The following NPY2R variants were observed in gnomAD, a reference collection of about 807,000 sequenced individuals.
The protein encoded by NPY2R is neuropeptide Y receptor Y2.
A neutral mutation model predicts 22.3 loss-of-function variants in NPY2R; 17 were observed. The ratio of observed to expected loss-of-function variants is 0.76; its 90% confidence interval spans 0.52 to 1.14. NPY2R has a LOEUF of 1.14. NPY2R is among the 50% of genes most tolerant of loss of function. NPY2R has a pLI of 0.00. For synonymous variants in NPY2R, 209 were observed against 183.4 expected (o/e 1.14, Z -1.13); for missense variants, 424 against 467.9 (o/e 0.91, Z 0.87).
chr4:155,210,833 G>A (rs929562621), intron 1 of NPY2R, among the ~76,000 whole-genome samples: 4 of 151,972 alleles, frequency 2.6e-5, no homozygotes, highest in African/African-American at 9.7e-5. Context: ...GAAAGATGCG[G>A]AAAGAGAAAA....
chr4:155,174,502 CTACTT>C, the NPY2R span, among the ~76,000 whole-genome samples: 5 of 102,258 alleles, frequency 4.9e-5, no homozygotes, highest in Non-Finnish European at 8.7e-5. Context: ...TTTTAAATCT[CTACTT>C]TAAAATCTGT....
At chr4:155,176,041 G>A in the NPY2R span, among the ~76,000 whole-genome samples, 1 of 152,042 alleles carries the variant, frequency 6.6e-6, no homozygotes, top group Non-Finnish European at 1.5e-5. Flanking sequence ...CCTACCTCAG[G>A]AAAACAAACT....
chr4:155,214,426 C>A lies in NPY2R; in HGVS notation c.487C>A (p.Arg163=). The change falls in exon 2 of 2, where the codon CGA becomes AGA. Residue 163 remains arginine, a synonymous_variant. Transcript: ENST00000329476. The part of the protein sequence containing the change: ...VYHLESKISK[R]ISFLIIGLAW... ...CCACCTAGAGAGCAAGATCTCCAAG[C>A]GAATCAGCTTCCTGATTATTGGCTT... 2 of 1,614,062 alleles carry A rather than the reference C, an allele frequency of 1.2e-6. No individual in the cohort carries two copies. The highest frequency in any genetic ancestry group is 8.5e-7 in the Non-Finnish European group (1 of 1,180,010).
chr4:155,212,579 C>T (rs1368989927), intron 1 of NPY2R, among the ~76,000 whole-genome samples: 2 of 152,020 alleles, frequency 1.3e-5, no homozygotes, highest in Middle Eastern at 3.2e-3. Flanking sequence ...GGTAAAGCCA[C>T]CCCTGGCATT....
chr4:155,186,411 A>C, the NPY2R span, among the ~76,000 whole-genome samples: 5 of 152,282 alleles, frequency 3.3e-5, no homozygotes, highest in Admixed American at 2.0e-4. Flanking sequence ...AAATCACATC[A>C]AGAAAAAGCC....
chr4:155,183,982 A>T, the NPY2R span, among the ~76,000 whole-genome samples: 121 of 152,212 alleles, frequency 7.9e-4, no homozygotes, highest in African/African-American at 2.8e-3. Context: ...CCCCTCTCTT[A>T]CCTACAAATG....
rs1174237228 is a variant in NPY2R at position 155,216,044 on chromosome 4, G to A, written c.*959G>A. 1 of 166,918 alleles carries A rather than the reference G, an allele frequency of 6.0e-6. No homozygotes were observed. The highest frequency in any genetic ancestry group is 2.4e-5 in the African/African-American group (1 of 41,406). The allele number at this position is 166,918 out of a possible 1,614,324, so 10.3% of individuals were successfully genotyped here. A position where few individuals can be genotyped will look rare whatever the true frequency, so the allele number is the denominator to read the frequency against. On this transcript the variant is annotated 3_prime_UTR_variant, in exon 2 of 2. Coordinates refer to ENST00000329476, the MANE Select transcript of NPY2R (RefSeq NM_000910.4). ...CAAGCTATTTTTGCACAGGTACATA[G>A]CTCTCATGTATTTAAAGAACACTGC...
At chr4:155,178,644 G>A in the NPY2R span, among the ~76,000 whole-genome samples, 3 of 152,114 alleles carry the variant, frequency 2.0e-5, no homozygotes, top group Non-Finnish European at 4.4e-5. Flanking sequence ...TACTATTTCA[G>A]TTGTTCATAT....
rs61741797 is a variant in NPY2R at position 155,214,593 on chromosome 4, C to T, written c.654C>T (p.Val218=). ...PGEEKSIYGT[V]YSLSSLLILY... ...AGGAGAAGAGCATCTATGGCACTGTCTATAGTCTTTCTTCCTTGTTGATCT... is the reference window on the plus strand; with the variant it reads ...AGGAGAAGAGCATCTATGGCACTGTTTATAGTCTTTCTTCCTTGTTGATCT... The change falls in exon 2 of 2, where the codon GTC becomes GTT. Residue 218 remains valine, a synonymous_variant. Transcript: ENST00000329476. The T allele has an allele frequency of 6.2e-7, 1 of 1,614,060 alleles. No homozygotes were observed. The highest frequency in any genetic ancestry group is 8.5e-7 in the Non-Finnish European group (1 of 1,180,016).
the NPY2R span, among the ~76,000 whole-genome samples, chr4:155,196,962 C>T: frequency 1.3e-5 from 2 of 151,784 alleles, no homozygotes; most frequent in African/African-American, 2.4e-5. Flanking sequence ...GGTTGAGTTC[C>T]ACACTTCACT....
At position 155,214,313 on chromosome 4, in the gene NPY2R, T is replaced by C; in HGVS notation, c.374T>C (p.Leu125Pro). Residue 125 changes from leucine (L) to proline (P), a missense_variant, in exon 2 of 2, where the codon CTG becomes CCG. By Grantham distance (98) the Leu-to-Pro change is moderately conservative (BLOSUM62 -3). Transcript: ENST00000329476. The part of the protein sequence containing the change: ...EWKMGPVLCH[L>P]VPYAQGLAVQ... Reference sequence around the variant, plus strand: ...AAAATGGGTCCTGTCCTGTGCCACCTGGTGCCCTATGCCCAGGGCCTGGCA... The same window carrying C: ...AAAATGGGTCCTGTCCTGTGCCACCCGGTGCCCTATGCCCAGGGCCTGGCA... 6.2e-7 allele frequency: 1 copy of C among 1,614,214 alleles called. No individual in the cohort carries two copies. Among genetic ancestry groups the C allele is most frequent in the Non-Finnish European group, 8.5e-7 (1 of 1,180,036 alleles).
chr4:155,207,479 G>A (rs1211481708), upstream of NPY2R: 2 of 152,194 alleles, frequency 1.3e-5, no homozygotes, highest in African/African-American at 2.4e-5. Context: ...AAAGACTTAG[G>A]TTACCAGTAT....
chr4:155,182,339 C>T, the NPY2R span, among the ~76,000 whole-genome samples: 2 of 152,110 alleles, frequency 1.3e-5, no homozygotes, highest in African/African-American at 4.8e-5. Context: ...ACTAACTACC[C>T]CTAAAAGCAA....
At chr4:155,195,697 C>G in the NPY2R span, among the ~76,000 whole-genome samples, 1 of 151,902 alleles carries the variant, frequency 6.6e-6, no homozygotes. Flanking sequence ...TTCCCTGTTT[C>G]AGGTAAACTC....
the NPY2R span, among the ~76,000 whole-genome samples, chr4:155,180,324 A>G: frequency 1.3e-5 from 2 of 152,218 alleles, no homozygotes; most frequent in African/African-American, 4.8e-5. Flanking sequence ...TAGATGTGCA[A>G]TTAGGAAAAA....
At chr4:155,181,068 C>T in the NPY2R span, among the ~76,000 whole-genome samples, 130 of 152,150 alleles carry the variant, frequency 8.5e-4, no homozygotes, top group Non-Finnish European at 1.4e-3. Flanking sequence ...ATGAATAAAA[C>T]TGTGCAAACA....
chr4:155,180,662 C>A, the NPY2R span, among the ~76,000 whole-genome samples: 1 of 151,936 alleles, frequency 6.6e-6, no homozygotes, highest in Non-Finnish European at 1.5e-5. Context: ...TCTTGGAACT[C>A]TAATATATAT....
upstream of NPY2R, among the ~76,000 whole-genome samples, chr4:155,206,260 A>G (rs142083900): frequency 5.9e-5 from 9 of 152,356 alleles, no homozygotes; most frequent in African/African-American, 2.2e-4. Context: ...TACAAAAGAA[A>G]TCAAGCATCA....
chr4:155,200,879 G>A, the NPY2R span, among the ~76,000 whole-genome samples: 2 of 152,052 alleles, frequency 1.3e-5, no homozygotes, highest in South Asian at 4.1e-4. Flanking sequence ...GGGAGGGAGA[G>A]CATTAAGACA....
Sources: allele counts gnomAD v4.1 joint callset (sites outside exome capture counted in the v4.1 genomes callset), GRCh38; gene constraint gnomAD v4.1.1; transcripts MANE v1.5; gene names NCBI Gene and HGNC (gene_info 2026-07-23, HGNC 2026-07-21).